TRMT44: variants seen among roughly 807,000 people sequenced by gnomAD.
TRMT44 encodes the protein probable tRNA (uracil-O(2)-)-methyltransferase.
A neutral mutation model predicts 77.3 loss-of-function variants in TRMT44; 78 were observed. The ratio of observed to expected loss-of-function variants is 1.01; its 90% CI spans 0.84 to 1.22. The LOEUF (loss-of-function observed/expected upper bound fraction) is 1.22. Ranked by LOEUF, TRMT44 falls within the 50% of genes most tolerant of loss-of-function variation. The pLI, the probability that TRMT44 is intolerant of heterozygous loss-of-function variation, is 0.00. For missense variants in TRMT44, 1,090 were observed against 964.4 expected (o/e 1.13, Z -1.73); for synonymous variants, 391 against 383.3 (o/e 1.02, Z -0.23).
the TRMT44 span, among the ~76,000 whole-genome samples, chr4:8,506,345 CCT>C: frequency 7.2e-5 from 11 of 152,200 alleles, no homozygotes; most frequent in Non-Finnish European, 1.5e-4. Flanking sequence ...TCTCCTAAAC[CCT>C]CTGTTACCCA....
At chr4:8,471,554 G>C (rs543232933) in intron 10 of TRMT44, among the ~76,000 whole-genome samples, 1 of 152,228 alleles carries the variant, frequency 6.6e-6, no homozygotes, top group Non-Finnish European at 1.5e-5. Flanking sequence ...ATTGTTTGGC[G>C]TCATCTTTAG....
At chr4:8,475,097 G>A (rs896177068) in intron 10 of TRMT44, among the ~76,000 whole-genome samples, 1 of 152,184 alleles carries the variant, frequency 6.6e-6, no homozygotes, top group Non-Finnish European at 1.5e-5. Context: ...CACCTGGAGG[G>A]GCTCCGGTTG....
At position 8,452,751 on chromosome 4, in the gene TRMT44, A is replaced by G; in HGVS notation, c.1024-131A>G. 1 of 535,016 alleles carries G rather than the reference A, an allele frequency of 1.9e-6. No homozygotes were observed. The highest frequency in any genetic ancestry group is 2.6e-5 in the South Asian group (1 of 37,888). 33.1% of individuals were successfully genotyped at this position (535,016 alleles called of 1,614,324 possible). On this transcript the variant is annotated intron_variant, in intron 4 of 10. Transcript: ENST00000389737. The surrounding 1 kb of genome is among the most constrained non-coding windows in gnomAD (Gnocchi z 5.7). ...CTCCATCTCAAAAAAAGAAAAAAAA[A>G]AAAGAATGTTTAGTGTAGATGATTT...
At chr4:8,482,896 C>T (rs926123571) in intron 2 of TRMT44, among the ~76,000 whole-genome samples, 66 of 112,236 alleles carry the variant, frequency 5.9e-4, no homozygotes, top group African/African-American at 2.0e-3. Flanking sequence ...AGTGTGGGGG[C>T]GGCAAAAATT....
chr4:8,456,632 A>T (rs989580286), intron 6 of TRMT44, among the ~76,000 whole-genome samples: 1 of 152,198 alleles, frequency 6.6e-6, no homozygotes, highest in Non-Finnish European at 1.5e-5. Flanking sequence ...TCTCATATTT[A>T]GAATGCAGCT....
chr4:8,503,448 G>A, the TRMT44 span, among the ~76,000 whole-genome samples: 3 of 152,350 alleles, frequency 2.0e-5, no homozygotes, highest in East Asian at 5.8e-4. Context: ...CTGACAGTGT[G>A]CACAGGGCCA....
rs571768509 is a variant in TRMT44 at position 8,451,857 on chromosome 4, C to G, written c.955-103C>G. Reference sequence around the variant, plus strand: ...AGCTTATGTTTCCTATTTTAGTGTACGATTAGTCCAGTTTGATTTATGCTT... The same window carrying G: ...AGCTTATGTTTCCTATTTTAGTGTAGGATTAGTCCAGTTTGATTTATGCTT... On this transcript the variant is annotated intron_variant, in intron 3 of 10. Coordinates refer to ENST00000389737, the MANE Select transcript of TRMT44 (RefSeq NM_152544.3). The surrounding 1 kb of genome is among the most constrained non-coding windows in gnomAD (Gnocchi z 4.1). 1.5e-5 allele frequency: 15 copies of G among 1,004,558 alleles called. No homozygotes were observed. The highest frequency in any genetic ancestry group is 1.8e-5 in the Non-Finnish European group (12 of 667,830). 62.2% of individuals were successfully genotyped at this position (1,004,558 alleles called of 1,614,324 possible). A position where few individuals can be genotyped will look rare whatever the true frequency, so the allele number is the denominator to read the frequency against.
At chr4:8,493,638 C>T (rs1728076447), downstream of TRMT44, 1 of 152,206 alleles carries the variant, frequency 6.6e-6, no homozygotes, top group Admixed American at 6.5e-5. Context: ...GCATTCACTC[C>T]TCTGTCTGGT....
Position 8,454,787 on chromosome 4 carries a change from A to G in TRMT44, c.1177A>G (p.Met393Val), listed in dbSNP as rs377438967. 6.8e-6 allele frequency: 11 copies of G among 1,614,130 alleles called. No individual in the cohort carries two copies. Among genetic ancestry groups the G allele is most frequent in the Non-Finnish European group, 6.8e-6 (8 of 1,180,060 alleles). The change falls in exon 6 of 11, where the codon ATG becomes GTG. Residue 393 changes from methionine to valine, a missense_variant. Met to Val is a conservative substitution (Grantham distance 21). Transcript: ENST00000389737. ...TGTCCGAAGAAGAAAAATCTGGGAC[A>G]TGTATGGACCACAAACTCAGTTAGA... ...IDVRRRKIWDMYGPQTQLEED... is the reference protein window; with the variant it reads ...IDVRRRKIWDVYGPQTQLEED...
At chr4:8,493,104 CCCTG>C in intron 2 of TRMT44, among the ~76,000 whole-genome samples, 1 of 152,222 alleles carries the variant, frequency 6.6e-6, no homozygotes, top group Non-Finnish European at 1.5e-5. Flanking sequence ...AAAACAAAGT[CCCTG>C]CCTGCCTGAG....
rs1187527217 is a variant in TRMT44, at chr4:8,461,509, C to CA, written c.1204-2476_1204-2475insA. Among the ~76,000 whole-genome samples the CA allele has an allele frequency of 5.3e-5, 8 of 152,290 alleles. No individual in the cohort carries two copies. The East Asian group carries it at 1.2e-3, about 22-fold the overall frequency. On this transcript the variant is annotated intron_variant, in intron 6 of 10. Transcript: ENST00000389737. This position sits in a 1 kb window ranked among gnomAD's most constrained non-coding sequence, Gnocchi z 4.6. The stretch of plus-strand genomic sequence containing the variant: ...TGTAAGCCCAGACCCTAGGGAAGAG[C>CA]TGGCTGCTGAGGGTGCCCCTTGGAG...
rs185873622 is a variant in TRMT44, at chr4:8,484,557, G to A, written n.3891+5024G>A. ...AGTAGTTTGGACAAAAAGGCTACAC[G>A]ATGCGATCCCGGTCCTTGTGTAAGA... On this transcript the variant is annotated intron_variant and non_coding_transcript_variant, in intron 2 of 2. Transcript: ENST00000511366. Among the ~76,000 whole-genome samples, 230 of 152,238 alleles carry A rather than the reference G, an allele frequency of 1.5e-3. 1 individual carries two copies. Among genetic ancestry groups the A allele is most frequent in the African/African-American group, 5.0e-3 (208 of 41,536 alleles).
intron 6 of TRMT44, among the ~76,000 whole-genome samples, chr4:8,462,257 C>A (rs1402483821): frequency 6.6e-6 from 1 of 151,674 alleles, no homozygotes; most frequent in Non-Finnish European, 1.5e-5. Flanking sequence ...ACTAAAAATA[C>A]AAAATTAGCC....
At chr4:8,454,952 A>G in intron 6 of TRMT44, 139 bp downstream of exon 6, 1 of 795,898 alleles carries the variant, frequency 1.3e-6, no homozygotes, top group Non-Finnish European at 2.1e-6. Flanking sequence ...AGTGCTCTGA[A>G]ATTAGAGAAG....
rs556068441 is a variant in TRMT44 at position 8,468,010 on chromosome 4, C to T, written c.1591C>T (p.Pro531Ser). 5.5e-5 allele frequency: 88 copies of T among 1,614,036 alleles called. 2 individuals are homozygous for T. In the South Asian group the frequency reaches 9.1e-4, roughly 17 times the overall value. ...GTACATTAAGAGCAGGCGGGGCTGCCCTGTAAGCCCACCTGGCTGGGAGCT... is the reference window on the plus strand; with the variant it reads ...GTACATTAAGAGCAGGCGGGGCTGCTCTGTAAGCCCACCTGGCTGGGAGCT... Reference protein sequence around the residue: ...TQYIKSRRGCPVSPPGWELSP... With the variant: ...TQYIKSRRGCSVSPPGWELSP... Residue 531 changes from proline to serine, a missense_variant, in exon 9 of 11, where the codon CCT becomes TCT. By Grantham distance (74) the Pro-to-Ser change is moderately conservative (BLOSUM62 -1). Transcript: ENST00000389737.
At position 8,461,441 on chromosome 4, in the gene TRMT44, A is replaced by G. The variant is rs1726149940; in HGVS notation, c.1204-2544A>G. Among the ~76,000 whole-genome samples the G allele has an allele frequency of 6.6e-6, 1 of 152,132 alleles. No homozygotes were observed. On this transcript the variant is annotated intron_variant, in intron 6 of 10. Transcript: ENST00000389737. This position sits in a 1 kb window ranked among gnomAD's most constrained non-coding sequence, Gnocchi z 4.6. ...TCCATGTGTCCCCAGGTGAAAAAGC[A>G]CCTTTGGGTAGGAAATTCAAGCAGC...
intron 9 of TRMT44, among the ~76,000 whole-genome samples, chr4:8,469,969 C>T (rs1035688693): frequency 6.6e-6 from 1 of 152,240 alleles, no homozygotes; most frequent in African/African-American, 2.4e-5. Context: ...GCCCTGCCCT[C>T]AAGAGGCTCC....
downstream of TRMT44, among the ~76,000 whole-genome samples, chr4:8,497,961 G>A (rs1319774254): frequency 6.6e-6 from 1 of 152,210 alleles, no homozygotes; most frequent in Non-Finnish European, 1.5e-5. Flanking sequence ...GGGAGCAGGA[G>A]CTGTGCCCTC....
intron 8 of TRMT44, among the ~76,000 whole-genome samples, chr4:8,466,518 CCG>C (rs1726559056): frequency 6.6e-6 from 1 of 152,262 alleles, no homozygotes; most frequent in African/African-American, 2.4e-5. Flanking sequence ...GGCCTCAGGG[CCG>C]CTGGCGCTGT....
Sources: allele counts gnomAD v4.1 joint callset (sites outside exome capture counted in the v4.1 genomes callset), GRCh38; gene constraint gnomAD v4.1.1; non-coding constraint Gnocchi (gnomAD v3.1); transcripts MANE v1.5; gene names NCBI Gene and HGNC (gene_info 2026-07-23, HGNC 2026-07-21).